Variants in FBXL7 observed in about 807,000 individuals in gnomAD.
FBXL7 encodes F-box/LRR-repeat protein 7.
FBXL7 carries 12 observed loss-of-function variants against 38.3 expected under a neutral mutation model. The observed-to-expected ratio is 0.31, with a 90% CI of 0.20 to 0.51. The LOEUF (loss-of-function observed/expected upper bound fraction) is 0.51, where lower values mean the gene tolerates loss of function less well. FBXL7 is among the 20% of genes least tolerant of loss of function. The pLI is 0.98. For synonymous variants in FBXL7, 297 were observed against 300.9 expected (o/e 0.99, Z 0.13); for missense variants, 567 against 676.4 (o/e 0.84, Z 1.79).
intron 1 of FBXL7, among the ~76,000 whole-genome samples, chr5:15,576,276 G>A (rs567381551): frequency 1.3e-5 from 2 of 151,632 alleles, no homozygotes; most frequent in South Asian, 4.2e-4. Flanking sequence ...TAGAGGCGGG[G>A]TTTCTCCATG....
At chr5:15,826,866 G>A (rs369169499) in intron 2 of FBXL7, among the ~76,000 whole-genome samples, 6 of 151,340 alleles carry the variant, frequency 4.0e-5, no homozygotes, top group African/African-American at 4.9e-5. Context: ...GCTCCTTCTC[G>A]TAGTCTCCTG....
In FBXL7 at chr5:15,586,836, A is replaced by C. The variant is rs76728546; in HGVS notation, c.38-29147A>C. Reference sequence around the variant, plus strand: ...AGAGCTATCTGGAGAATTTTAATAGAATAGAGACCGTTTAAATTTTCTTTT... The same window carrying C: ...AGAGCTATCTGGAGAATTTTAATAGCATAGAGACCGTTTAAATTTTCTTTT... On this transcript the variant is annotated intron_variant, in intron 1 of 3. Transcript: ENST00000504595. 3.4e-3 allele frequency among the ~76,000 whole-genome samples: 523 copies of C among 152,350 alleles called. 19 individuals are homozygous for C. In the East Asian group the frequency reaches 0.088, roughly 26 times the overall value.
chr5:15,925,332 ACTCAAGAAAGGTGTTTGTATTTCAAGAGG>A (rs1188553180), intron 2 of FBXL7, among the ~76,000 whole-genome samples: 1 of 152,234 alleles, frequency 6.6e-6, no homozygotes, highest in Non-Finnish European at 1.5e-5. Context: ...ATTTGCAGCT[ACTCAAGAAAGGTGTTTGTATTTCAAGAGG>A]CTAACATGGG....
chr5:15,625,309 T>C (rs548199722), intron 2 of FBXL7, among the ~76,000 whole-genome samples: 2 of 152,140 alleles, frequency 1.3e-5, no homozygotes, highest in Non-Finnish European at 2.9e-5. Flanking sequence ...CTAAAGTATA[T>C]GTAATAAAAA....
intron 2 of FBXL7, among the ~76,000 whole-genome samples, chr5:15,625,909 A>G (rs1740800132): frequency 6.6e-6 from 1 of 152,210 alleles, no homozygotes; most frequent in East Asian, 1.9e-4. Flanking sequence ...AATGAGAGAA[A>G]GAAAATGATG....
At chr5:15,551,325 A>T (rs552335670) in intron 1 of FBXL7, among the ~76,000 whole-genome samples, 1 of 152,290 alleles carries the variant, frequency 6.6e-6, no homozygotes, top group East Asian at 1.9e-4. Context: ...ACGTTTGAAT[A>T]GTTCCCCTTT....
At chr5:15,882,395 CT>C (rs961245395) in intron 2 of FBXL7, among the ~76,000 whole-genome samples, 1 of 152,120 alleles carries the variant, frequency 6.6e-6, no homozygotes, top group Non-Finnish European at 1.5e-5. Context: ...GTCCCAGCAC[CT>C]GACATGTCAG....
At chr5:15,725,397 T>G (rs564613250) in intron 2 of FBXL7, among the ~76,000 whole-genome samples, 2 of 152,352 alleles carry the variant, frequency 1.3e-5, no homozygotes, top group East Asian at 3.9e-4. Flanking sequence ...TGTGATCCAC[T>G]GGGTTATTTA....
chr5:15,795,515 G>A lies in FBXL7; in HGVS notation c.128-132375G>A, dbSNP rs190191933. ...TGCCTACCGGCCAGATATTGCAGTTGTCATCTATGTACCTTTTTAATGAGG... is the reference window on the plus strand; with the variant it reads ...TGCCTACCGGCCAGATATTGCAGTTATCATCTATGTACCTTTTTAATGAGG... On this transcript the variant is annotated intron_variant, in intron 2 of 3. Transcript: ENST00000504595. Among the ~76,000 whole-genome samples, 77 of 152,278 alleles carry A rather than the reference G, an allele frequency of 5.1e-4. 1 individual carries two copies. The highest frequency in any genetic ancestry group is 4.2e-3 in the Admixed American group (64 of 15,292).
At chr5:15,614,933 T>A (rs773458619) in intron 1 of FBXL7, among the ~76,000 whole-genome samples, 1 of 152,158 alleles carries the variant, frequency 6.6e-6, no homozygotes, top group Non-Finnish European at 1.5e-5. Flanking sequence ...TGTCATTAAT[T>A]TAGTTAACTT....
At chr5:15,808,391 A>G (rs1737771530) in intron 2 of FBXL7, among the ~76,000 whole-genome samples, 1 of 152,094 alleles carries the variant, frequency 6.6e-6, no homozygotes, top group African/African-American at 2.4e-5. Flanking sequence ...ATCCTTCCAT[A>G]TCTAGCCATG....
intron 2 of FBXL7, among the ~76,000 whole-genome samples, chr5:15,894,723 G>A (rs1029881066): frequency 6.6e-6 from 1 of 152,162 alleles, no homozygotes; most frequent in African/African-American, 2.4e-5. Context: ...ATATTTATGA[G>A]GTAGAGTTTT....
chr5:15,525,288 G>A (rs1036821260), intron 1 of FBXL7, among the ~76,000 whole-genome samples: 10 of 151,976 alleles, frequency 6.6e-5, no homozygotes, highest in Non-Finnish European at 1.5e-5. Flanking sequence ...TATTTCTCTT[G>A]GACAATACTG....
intron 2 of FBXL7, among the ~76,000 whole-genome samples, chr5:15,819,003 C>T (rs1029736202): frequency 3.3e-5 from 5 of 152,066 alleles, no homozygotes; most frequent in African/African-American, 1.2e-4. Context: ...ATAAAGTATA[C>T]TGATTTATGA....
intron 1 of FBXL7, among the ~76,000 whole-genome samples, chr5:15,560,256 C>T (rs952418437): frequency 6.6e-6 from 1 of 152,156 alleles, no homozygotes; most frequent in African/African-American, 2.4e-5. Context: ...GCTGATTCCT[C>T]TTGACCTTAC....
rs561746779 is a variant in FBXL7 at position 15,852,000 on chromosome 5, G to T, written c.128-75890G>T. 2.6e-5 allele frequency among the ~76,000 whole-genome samples: 4 copies of T among 152,174 alleles called. No homozygotes were observed. In the South Asian group the frequency reaches 8.3e-4, roughly 32 times the overall value. On this transcript the variant is annotated intron_variant, in intron 2 of 3. Transcript: ENST00000504595. The stretch of plus-strand genomic sequence containing the variant: ...ATCTAGAACACAAACCTCCAAGCAG[G>T]AACAACCCATTATCTCTCCTTTGCA...
In FBXL7 at chr5:15,903,107, G is replaced by A. The variant is rs529607103; in HGVS notation, c.128-24783G>A. ...GCAAGCCAAATGACTACATTGAGGGGTAGAGGCCATTTCAAAGTCGATATT... is the reference window on the plus strand; with the variant it reads ...GCAAGCCAAATGACTACATTGAGGGATAGAGGCCATTTCAAAGTCGATATT... On this transcript the variant is annotated intron_variant, in intron 2 of 3. Transcript: ENST00000504595. Among the ~76,000 whole-genome samples the A allele has an allele frequency of 1.8e-4, 27 of 152,346 alleles. 1 individual carries two copies. The South Asian group carries it at 4.8e-3, about 27-fold the overall frequency.
chr5:15,837,456 T>C (rs556107383), intron 2 of FBXL7, among the ~76,000 whole-genome samples: 1 of 152,312 alleles, frequency 6.6e-6, no homozygotes, highest in South Asian at 2.1e-4. Flanking sequence ...ATGCCTTATT[T>C]AGGCTCTAAA....
At chr5:15,690,378 C>T (rs567943963) in intron 2 of FBXL7, among the ~76,000 whole-genome samples, 1 of 151,808 alleles carries the variant, frequency 6.6e-6, no homozygotes, top group African/African-American at 2.4e-5. Context: ...GAAAGCAGTC[C>T]TGACGAAATA....
Sources: allele counts gnomAD v4.1 joint callset (sites outside exome capture counted in the v4.1 genomes callset), GRCh38; gene constraint gnomAD v4.1.1; transcripts MANE v1.5; gene names NCBI Gene and HGNC (gene_info 2026-07-23, HGNC 2026-07-21).